HTR2C: variants seen among roughly 807,000 people sequenced by gnomAD.
The protein encoded by HTR2C is 5-hydroxytryptamine receptor 2C, also known as 5-hydroxytryptamine (serotonin) receptor 2C, G protein-coupled.
A neutral mutation model predicts 21.0 loss-of-function variants in HTR2C; 5 were observed. The ratio of observed to expected loss-of-function variants is 0.24; its 90% CI spans 0.12 to 0.50. The LOEUF is 0.50. HTR2C is among the 20% of genes least tolerant of loss of function. The pLI is 0.98. For synonymous variants in HTR2C, 150 were observed against 145.3 expected (o/e 1.03, Z -0.23); for missense variants, 271 against 371.2 (o/e 0.73, Z 2.22).
Position 114,848,290 on chromosome X carries a change from A to G in HTR2C, c.550+87A>G, listed in dbSNP as rs1602873933. ...TACTGTGAACAACGTACAGACGTCG[A>G]CTGGTAACATTTGCGTTTGATCGGG... is the stretch of plus-strand genomic sequence containing the variant. On this transcript the variant is annotated intron_variant, in intron 5 of 5. Coordinates refer to ENST00000276198, the MANE Select transcript of HTR2C (RefSeq NM_000868.4). The G allele has an allele frequency of 5.6e-5, 32 of 571,854 alleles. No homozygotes were observed. The East Asian group carries it at 1.2e-3, about 21-fold the overall frequency. 47.1% of individuals were successfully genotyped at this position (571,854 alleles called of 1,213,427 possible). A position where few individuals can be genotyped will look rare whatever the true frequency, so the allele number is the denominator to read the frequency against.
rs782300498 is a variant in HTR2C, at chrX:114,731,348, A to G, written c.90A>G (p.Val30=). Residue 30 remains valine, a synonymous_variant, in exon 4 of 6, where the codon GTA becomes GTG. Coordinates refer to ENST00000276198, the MANE Select transcript of HTR2C (RefSeq NM_000868.4). The part of the protein sequence containing the change: ...VWQSDISVSP[V]AAIVTDIFNT... Reference sequence around the variant, plus strand: ...AATCTGATATTTCTGTGAGCCCAGTAGCAGCTATAGTAACTGACATTTTCA... The same window carrying G: ...AATCTGATATTTCTGTGAGCCCAGTGGCAGCTATAGTAACTGACATTTTCA... The G allele has an allele frequency of 8.3e-7, 1 of 1,204,200 alleles. No homozygotes were observed. Among genetic ancestry groups the G allele is most frequent in the African/African-American group, 1.8e-5 (1 of 56,658 alleles).
At chrX:114,612,991 G>C (rs1928804802) in intron 1 of HTR2C, among the ~76,000 whole-genome samples, 1 of 109,322 alleles carries the variant, frequency 9.1e-6, no homozygotes, top group African/African-American at 3.3e-5. Context: ...AGGCTGGAGT[G>C]CAGCGGCCGA....
intron 2 of HTR2C, among the ~76,000 whole-genome samples, chrX:114,629,057 T>TGA (rs1556403612): frequency 4.5e-5 from 5 of 112,260 alleles, no homozygotes; most frequent in Non-Finnish European, 9.4e-5. Flanking sequence ...TTTCCATCTT[T>TGA]TTATATTTAT....
intron 5 of HTR2C, among the ~76,000 whole-genome samples, chrX:114,888,910 G>A (rs964041284): frequency 1.8e-5 from 2 of 111,361 alleles, no homozygotes; most frequent in African/African-American, 6.5e-5. Context: ...TTCATTGAAC[G>A]TATTTTAAAT....
At chrX:114,806,416 A>G (rs1241326586) in intron 4 of HTR2C, among the ~76,000 whole-genome samples, 1 of 67,369 alleles carries the variant, frequency 1.5e-5, no homozygotes, top group Non-Finnish European at 2.8e-5. Flanking sequence ...CACCATATAT[A>G]TATACTGTAT....
intron 2 of HTR2C, among the ~76,000 whole-genome samples, chrX:114,644,352 TAA>T (rs1556407018): frequency 5.7e-5 from 1 of 17,431 alleles, no homozygotes; most frequent in African/African-American, 1.8e-4. Flanking sequence ...CTAAAATAAA[TAA>T]ATAAATAAAT....
At chrX:114,802,702 CT>C (rs2070360050) in intron 4 of HTR2C, among the ~76,000 whole-genome samples, 1 of 96,039 alleles carries the variant, frequency 1.0e-5, no homozygotes, top group African/African-American at 3.8e-5. Flanking sequence ...TTCTTTCTTT[CT>C]TTCTTTCTTT....
intron 2 of HTR2C, among the ~76,000 whole-genome samples, chrX:114,698,535 A>G (rs1264471251): frequency 9.0e-6 from 1 of 111,444 alleles, no homozygotes; most frequent in Admixed American, 9.6e-5. Context: ...TTTGTGCAAT[A>G]AATGTTATTT....
chrX:114,735,956 C>CA (rs782295507), intron 4 of HTR2C, among the ~76,000 whole-genome samples: 178 of 109,331 alleles, frequency 1.6e-3, no homozygotes, highest in South Asian at 3.5e-3. Flanking sequence ...ACTAAAAATA[C>CA]AAAAAAAATA....
At chrX:114,709,062 C>T (rs1319036182) in intron 2 of HTR2C, among the ~76,000 whole-genome samples, 2 of 111,825 alleles carry the variant, frequency 1.8e-5, no homozygotes, top group African/African-American at 6.5e-5. Context: ...AAGCTATCTC[C>T]TATTATTAGG....
chrX:114,737,456 G>A (rs2069602608), intron 4 of HTR2C, among the ~76,000 whole-genome samples: 1 of 110,549 alleles, frequency 9.0e-6, no homozygotes, highest in Non-Finnish European at 1.9e-5. Flanking sequence ...CTGACCTCAA[G>A]TGATCCGCCC....
intron 2 of HTR2C, among the ~76,000 whole-genome samples, chrX:114,645,555 A>G (rs1556407380): frequency 9.0e-6 from 1 of 111,426 alleles, no homozygotes; most frequent in Admixed American, 9.6e-5. Context: ...CAGAAGCATA[A>G]AGGATAAAGT....
intron 4 of HTR2C, among the ~76,000 whole-genome samples, chrX:114,752,528 T>G (rs1198379473): frequency 9.0e-6 from 1 of 111,360 alleles, no homozygotes; most frequent in Non-Finnish European, 1.9e-5. Context: ...AATTGATTAG[T>G]GCAATTCACC....
intron 2 of HTR2C, among the ~76,000 whole-genome samples, chrX:114,669,221 T>C (rs1214161836): frequency 1.8e-5 from 2 of 111,509 alleles, no homozygotes; most frequent in Admixed American, 1.9e-4. Flanking sequence ...ATAGCAATCA[T>C]AGGCTGGCTT....
intron 4 of HTR2C, among the ~76,000 whole-genome samples, chrX:114,774,623 G>T (rs1312068521): frequency 1.8e-5 from 2 of 111,629 alleles, no homozygotes; most frequent in Admixed American, 1.9e-4. Flanking sequence ...TTAAGACATT[G>T]CATTTTCCAC....
rs868923647 is a variant in HTR2C at position 114,806,292 on chromosome X, G to T, written c.350-41711G>T. ...ACACCATATATATACACACCATATA[G>T]ATACACACCATATATATACACTACA... On this transcript the variant is annotated intron_variant, in intron 4 of 5. Coordinates refer to ENST00000276198, the MANE Select transcript of HTR2C (RefSeq NM_000868.4). 1.6e-3 allele frequency among the ~76,000 whole-genome samples: 136 copies of T among 86,022 alleles called. 1 individual carries two copies. Among genetic ancestry groups the T allele is most frequent in the African/African-American group, 5.5e-3 (123 of 22,554 alleles). 74.7% of individuals were successfully genotyped at this position (86,022 alleles called of 115,157 possible). A position where few individuals can be genotyped will look rare whatever the true frequency, so the allele number is the denominator to read the frequency against.
intron 4 of HTR2C, among the ~76,000 whole-genome samples, chrX:114,757,998 A>G (rs2069830755): frequency 9.0e-6 from 1 of 110,844 alleles, no homozygotes; most frequent in Admixed American, 9.7e-5. Context: ...CACAGAAATA[A>G]TAAGCCTTTG....
At chrX:114,646,891 G>A (rs1458769197) in intron 2 of HTR2C, among the ~76,000 whole-genome samples, 1 of 111,778 alleles carries the variant, frequency 8.9e-6, no homozygotes, top group Non-Finnish European at 1.9e-5. Context: ...GCATTTCTCT[G>A]GTGATTAGAG....
chrX:114,883,056 T>A (rs2071193985), intron 5 of HTR2C, among the ~76,000 whole-genome samples: 1 of 110,417 alleles, frequency 9.1e-6, no homozygotes, highest in Non-Finnish European at 1.9e-5. Context: ...TTGGTATACG[T>A]CCAGTCACAT....
Sources: gnomAD v4.1 joint callset for allele counts (sites outside exome capture counted in the v4.1 genomes callset) on GRCh38, gnomAD v4.1.1 for gene constraint, MANE v1.5 for transcripts, NCBI Gene and HGNC (gene_info 2026-07-23, HGNC 2026-07-21) for gene names.